DVL1: variants seen among roughly 807,000 people sequenced by gnomAD.
The protein encoded by DVL1 is segment polarity protein dishevelled homolog DVL-1.
In DVL1, 49 loss-of-function variants were observed where a neutral mutation model predicts 65.0. That is an observed-to-expected ratio of 0.75 (90% confidence interval 0.60 to 0.96). The LOEUF is 0.96. Among genes scored for constraint, DVL1 ranks in the 40% least tolerant of loss-of-function variants. The probability of loss-of-function intolerance (pLI) is 0.00; values close to 1 mark genes in which losing one functional copy is unlikely to be tolerated. For missense variants in DVL1, 1,197 were observed against 1,045.4 expected, an observed-to-expected ratio of 1.15 and a Z score of -2.00; for synonymous variants, 608 against 433.9, an observed-to-expected ratio of 1.40 and a Z score of -4.99.
At chr1:1,342,556 CA>C (rs1557671303) in intron 2 of DVL1, 72 bp from the exon 3 acceptor site, 1 of 1,578,634 alleles carries the variant, frequency 6.3e-7, no homozygotes, top group East Asian at 2.3e-5. Context: ...ACCCAGGGAA[CA>C]GGGGGCCAGC....
intron 1 of DVL1, among the ~76,000 whole-genome samples, chr1:1,343,576 G>A (rs1024003951): frequency 3.9e-5 from 6 of 152,148 alleles, no homozygotes; most frequent in African/African-American, 9.7e-5. Flanking sequence ...CCCTCCTGGC[G>A]TCTCAGGAGC....
At chr1:1,343,479 C>G (rs542012864) in intron 1 of DVL1, among the ~76,000 whole-genome samples, 2 of 152,260 alleles carry the variant, frequency 1.3e-5, no homozygotes, top group East Asian at 3.9e-4. Flanking sequence ...CACCCCTGCA[C>G]TCAGACCTGT....
chr1:1,342,269 G>A lies in DVL1; in HGVS notation c.362+94C>T, dbSNP rs146525333. 76 of 1,494,362 alleles carry A rather than the reference G, an allele frequency of 5.1e-5. 1 individual carries two copies. Among genetic ancestry groups the A allele is most frequent in the South Asian group, 2.8e-4 (22 of 79,042 alleles). 92.6% of individuals were successfully genotyped at this position (1,494,362 alleles called of 1,614,324 possible). On this transcript the variant is annotated intron_variant, in intron 3 of 14. Transcript: ENST00000378888. ...CCCAGCCCCAGCAGGTGCCACGCCC[G>A]CCTACTGGCCCAGGCAGGCCTCCCT... is the stretch of plus-strand genomic sequence containing the variant.
chr1:1,346,147 C>T (rs1300646725), intron 1 of DVL1, among the ~76,000 whole-genome samples: 1 of 152,152 alleles, frequency 6.6e-6, no homozygotes, highest in Non-Finnish European at 1.5e-5. Context: ...ACTCCCCCCA[C>T]AGCCCAGGCC....
chr1:1,349,401 G>A lies in DVL1; in HGVS notation c.-336C>T, dbSNP rs1158580292. 1 of 146,098 alleles carries A rather than the reference G, an allele frequency of 6.8e-6. No individual in the cohort carries two copies. Among genetic ancestry groups the A allele is most frequent in the South Asian group, 2.1e-4 (1 of 4,800 alleles). 9.1% of individuals were successfully genotyped at this position (146,098 alleles called of 1,614,324 possible). ...CCGTTAAAGGGACCGCCCGGCCCGG[G>A]GTCCTGAGCGTGGCCGCGGGGGGGC... On this transcript the variant is annotated 5_prime_UTR_variant, in exon 1 of 15. Coordinates refer to ENST00000378888, the MANE Select transcript of DVL1 (RefSeq NM_001330311.2). This position sits in a 1 kb window ranked among gnomAD's most constrained non-coding sequence, Gnocchi z 4.1.
At chr1:1,343,715 C>G (rs149586497) in intron 1 of DVL1, among the ~76,000 whole-genome samples, 1 of 152,110 alleles carries the variant, frequency 6.6e-6, no homozygotes, top group Non-Finnish European at 1.5e-5. Context: ...TCAGACCCGA[C>G]GGACGGACGT....
chr1:1,336,011 TG>T lies in DVL1; in HGVS notation c.*130del. ...GGAGCAGCCAGGCTGCCAGGGCAGATGGTGGTGGTCCAGCCTGCCCCCCACC... is the reference window on the plus strand; with the variant it reads ...GGAGCAGCCAGGCTGCCAGGGCAGATGTGGTGGTCCAGCCTGCCCCCCACC... On this transcript the variant is annotated 3_prime_UTR_variant, in exon 15 of 15. Transcript: ENST00000378888. The T allele has an allele frequency of 8.0e-7, 1 of 1,246,166 alleles. No homozygotes were observed. Among genetic ancestry groups the T allele is most frequent in the Non-Finnish European group, 1.1e-6 (1 of 911,568 alleles). 77.2% of individuals were successfully genotyped at this position (1,246,166 alleles called of 1,614,324 possible).
chr1:1,337,632 C>T (rs569733397), intron 14 of DVL1: 171 of 461,256 alleles, frequency 3.7e-4, no homozygotes, highest in African/African-American at 3.2e-3. Context: ...GGCACAGCCG[C>T]CCAGGCCGCC....
At position 1,342,461 on chromosome 1, in the gene DVL1, G is replaced by A. The variant is rs200912697; in HGVS notation, c.264C>T (p.His88=). Residue 88 remains histidine (H), a synonymous_variant, in exon 3 of 15, where the codon CAC becomes CAT. Transcript: ENST00000378888. ...CCGTGCCCTGGGACCCCGCATCCGA[G>A]TGAGCACCCTCAGCCAGGACCAGCT... ...VSWLVLAEGA[H]SDAGSQGTDS... 5.8e-5 allele frequency: 94 copies of A among 1,609,902 alleles called. No individual in the cohort carries two copies. Among genetic ancestry groups the A allele is most frequent in the Non-Finnish European group, 7.3e-5 (86 of 1,179,186 alleles).
At chr1:1,342,924 C>G (rs1263387997) in intron 1 of DVL1, among the ~76,000 whole-genome samples, 166 bp from the exon 2 acceptor site, 3 of 151,974 alleles carry the variant, frequency 2.0e-5, no homozygotes, top group Non-Finnish European at 4.4e-5. Context: ...TCCGTCACAT[C>G]CTGGGCCCCC....
intron 1 of DVL1, among the ~76,000 whole-genome samples, chr1:1,346,585 G>T (rs375680056): frequency 1.3e-5 from 2 of 152,218 alleles, no homozygotes; most frequent in African/African-American, 4.8e-5. Context: ...GAGGACAGGC[G>T]GGGGACCTTC....
At position 1,340,130 on chromosome 1, in the gene DVL1, G is replaced by A. The variant is rs766988615; in HGVS notation, c.817C>T (p.Arg273Cys). The A allele has an allele frequency of 3.7e-5, 59 of 1,613,580 alleles. No individual in the cohort carries two copies. The highest frequency in any genetic ancestry group is 5.3e-5 in the African/African-American group (4 of 74,908). Residue 273 changes from arginine to cysteine, a missense_variant, in exon 8 of 15, where the codon CGT becomes TGT. Physicochemically the swap from Arg to Cys is radical, Grantham distance 180 (BLOSUM62 -3). Transcript: ENST00000378888. ...GISIVGQSND[R>C]GDGGIYIGSI... is the part of the protein sequence containing the mutation. ...CCAATGTAGATGCCGCCGTCTCCAC[G>A]GTCGTTGCTCTGCCCCACGATGCTG...
chr1:1,344,145 C>T (rs1643885277), intron 1 of DVL1, among the ~76,000 whole-genome samples: 1 of 152,186 alleles, frequency 6.6e-6, no homozygotes, highest in Admixed American at 6.5e-5. Context: ...TCTGAGGGCC[C>T]AGGCAGCAGG....
chr1:1,338,229 T>TTGCCCG, intron 13 of DVL1, 40 bp downstream of exon 13: 7 of 1,522,364 alleles, frequency 4.6e-6, no homozygotes, highest in Non-Finnish European at 6.3e-6. Flanking sequence ...CCTCCGGCGT[T>TTGCCCG]CCCCTCCCCC....
chr1:1,346,786 C>T (rs931155107), intron 1 of DVL1, among the ~76,000 whole-genome samples: 1 of 152,326 alleles, frequency 6.6e-6, no homozygotes, highest in Non-Finnish European at 1.5e-5. Context: ...GCCTCCTCAG[C>T]GTCCCCAGCC....
chr1:1,348,961 G>T lies in DVL1; in HGVS notation c.105C>A (p.Asn35Lys). ...PERVTLADFK[N>K]VLSNRPVHAY... ...CGTGCACGGGCCGGTTGCTGAGCAC[G>T]TTCTTGAAGTCGGCCAGCGTGACGC... The change falls in exon 1 of 15, where the codon AAC becomes AAA. Residue 35 changes from asparagine (N) to lysine (K), a missense_variant. Transcript: ENST00000378888. The T allele has an allele frequency of 6.3e-7, 1 of 1,575,028 alleles. No individual in the cohort carries two copies. The highest frequency in any genetic ancestry group is 1.1e-5 in the South Asian group (1 of 89,948).
intron 1 of DVL1, among the ~76,000 whole-genome samples, chr1:1,343,919 C>A (rs1643882122): frequency 6.6e-6 from 1 of 152,190 alleles, no homozygotes; most frequent in Non-Finnish European, 1.5e-5. Context: ...CAGTCCACCC[C>A]CAGGTCAGAT....
At chr1:1,345,112 C>T (rs113543280) in intron 1 of DVL1, among the ~76,000 whole-genome samples, 14,798 of 152,190 alleles carry the variant, frequency 0.097, 1,194 homozygotes, top group African/African-American at 0.22. Flanking sequence ...TGCCCCCTCC[C>T]ACCATCCAGA....
chr1:1,338,369 C>T lies in DVL1; in HGVS notation c.1407G>A (p.Lys469=), dbSNP rs761031808. 1 of 1,612,602 alleles carries T rather than the reference C, an allele frequency of 6.2e-7. No individual in the cohort carries two copies. Among genetic ancestry groups the T allele is most frequent in the South Asian group, 1.1e-5 (1 of 91,088 alleles). The part of the protein sequence containing the change: ...EGFKERREAR[K]YASSLLKHGF... ...CGTGCTTCAGCAAGCTGCTGGCGTA[C>T]TTCCGGGCCTCCCGCCGCTCCTTGA... The change falls in exon 13 of 15, where the codon AAG becomes AAA. Residue 469 remains lysine, a synonymous_variant. Coordinates refer to ENST00000378888, the MANE Select transcript of DVL1 (RefSeq NM_001330311.2).
Sources: gnomAD v4.1 joint callset for allele counts (sites outside exome capture counted in the v4.1 genomes callset) on GRCh38, gnomAD v4.1.1 for gene constraint, Gnocchi (gnomAD v3.1) non-coding constraint, MANE v1.5 for transcripts, NCBI Gene and HGNC (gene_info 2026-07-23, HGNC 2026-07-21) for gene names.